Variants in SPATS2L observed in about 807,000 individuals in gnomAD.
SPATS2L encodes the protein SPATS2-like protein.
Under a neutral mutation model 59.6 loss-of-function variants are expected in SPATS2L, and 30 were observed. That is an observed-to-expected ratio of 0.50 (90% confidence interval 0.38 to 0.68). The LOEUF (loss-of-function observed/expected upper bound fraction) is 0.68. Among genes scored for constraint, SPATS2L ranks in the 30% least tolerant of loss-of-function variants. SPATS2L has a pLI of 0.00. For missense variants in SPATS2L, 615 were observed against 700.0 expected, an observed-to-expected ratio of 0.88 and a Z score of 1.37; for synonymous variants, 252 against 263.5, an observed-to-expected ratio of 0.96 and a Z score of 0.42.
intron 11 of SPATS2L, among the ~76,000 whole-genome samples, chr2:200,470,259 T>C (rs1157441938): frequency 3.3e-5 from 5 of 152,250 alleles, no homozygotes; most frequent in African/African-American, 1.2e-4. Flanking sequence ...ACAGGTCAAC[T>C]AGTTGATACC....
intron 8 of SPATS2L, among the ~76,000 whole-genome samples, chr2:200,451,327 A>T (rs1162527460): frequency 6.6e-6 from 1 of 152,076 alleles, no homozygotes; most frequent in Non-Finnish European, 1.5e-5. Flanking sequence ...ACCCTGTCTC[A>T]AAAAGAAAGT....
At chr2:200,323,502 A>G (rs2079631907) in intron 1 of SPATS2L, among the ~76,000 whole-genome samples, 2 of 152,242 alleles carry the variant, frequency 1.3e-5, no homozygotes, top group South Asian at 2.1e-4. Flanking sequence ...GTAGAAATAT[A>G]TAACTCCTGG....
At chr2:200,322,353 TAAC>T (rs1574391126) in intron 1 of SPATS2L, among the ~76,000 whole-genome samples, 1 of 152,196 alleles carries the variant, frequency 6.6e-6, no homozygotes, top group Non-Finnish European at 1.5e-5. Flanking sequence ...AATTAAGCAA[TAAC>T]AACAGCCAAA....
intron 8 of SPATS2L, among the ~76,000 whole-genome samples, chr2:200,457,248 ACACACAC>A (rs1331505067): frequency 1.3e-5 from 2 of 151,966 alleles, no homozygotes; most frequent in Non-Finnish European, 2.9e-5. Flanking sequence ...ACACACACAC[ACACACAC>A]ACACAGATGC....
rs78478595 is a variant in SPATS2L, at chr2:200,395,392, A to G, written c.39+6109A>G. Among the ~76,000 whole-genome samples, 122 of 152,316 alleles carry G rather than the reference A, an allele frequency of 8.0e-4. 1 individual carries two copies. In the East Asian group the frequency reaches 0.018, roughly 22 times the overall value. ...AATTATGCACTGATAACTAATTCCA[A>G]TGAGTGACCTCTAAGCCACTTTAGA... On this transcript the variant is annotated intron_variant, in intron 3 of 12. Transcript: ENST00000409140.
intron 2 of SPATS2L, chr2:200,378,155 C>A: frequency 2.2e-6 from 2 of 911,232 alleles, no homozygotes; most frequent in Non-Finnish European, 2.7e-6. Context: ...CCAAGGCCAC[C>A]AACCCCCTGC....
intron 2 of SPATS2L, among the ~76,000 whole-genome samples, chr2:200,329,796 A>G (rs2079876042): frequency 6.6e-6 from 1 of 151,528 alleles, no homozygotes; most frequent in South Asian, 2.1e-4. Context: ...AAAAAAAAAT[A>G]GGGCTTTTAA....
chr2:200,351,798 T>C (rs1383235003), intron 2 of SPATS2L, among the ~76,000 whole-genome samples: 1 of 152,200 alleles, frequency 6.6e-6, no homozygotes, highest in African/African-American at 2.4e-5. Context: ...CCCTGTTGGC[T>C]TCTAGAAATA....
intron 2 of SPATS2L, among the ~76,000 whole-genome samples, chr2:200,373,586 C>T (rs993578254): frequency 6.6e-6 from 1 of 152,086 alleles, no homozygotes; most frequent in Non-Finnish European, 1.5e-5. Flanking sequence ...TCTCTTTTTC[C>T]AGACTGAGTT....
At chr2:200,374,185 G>A (rs189840604) in intron 2 of SPATS2L, among the ~76,000 whole-genome samples, 42 of 152,236 alleles carry the variant, frequency 2.8e-4, no homozygotes, top group African/African-American at 9.6e-4. Flanking sequence ...GAGACAAATC[G>A]TGGCCTCCCA....
At chr2:200,347,682 A>G (rs1335132343) in intron 2 of SPATS2L, among the ~76,000 whole-genome samples, 3 of 152,152 alleles carry the variant, frequency 2.0e-5, no homozygotes, top group African/African-American at 7.2e-5. Context: ...GGGCTAGGAG[A>G]AGTGGGGGTG....
At chr2:200,374,272 C>G (rs1275545424) in intron 2 of SPATS2L, among the ~76,000 whole-genome samples, 1 of 152,170 alleles carries the variant, frequency 6.6e-6, no homozygotes, top group Non-Finnish European at 1.5e-5. Context: ...GTCACTGTTT[C>G]TGCAAGCGAA....
rs141730219 is a variant in SPATS2L, at chr2:200,452,045, G to A, written c.789-7724G>A. On this transcript the variant is annotated intron_variant, in intron 8 of 12. Transcript: ENST00000409140. ...ACTCCTGACCTGAGGTGATCTGCCT[G>A]CCTCGCCCTCCCAAAGTGCTGGGAT... 6.1e-3 allele frequency among the ~76,000 whole-genome samples: 933 copies of A among 152,246 alleles called. 7 individuals carry two copies. Among genetic ancestry groups the A allele is most frequent in the Middle Eastern group, 0.034 (10 of 294 alleles).
rs1034950822 is a variant in SPATS2L at position 200,477,421 on chromosome 2, C to G, written c.1282-215C>G. 8.0e-5 allele frequency among the ~76,000 whole-genome samples: 12 copies of G among 150,702 alleles called. No homozygotes were observed. The East Asian group carries it at 1.8e-3, about 22-fold the overall frequency. ...ACCTCTCTTTCAATATCATTTTCTT[C>G]CAGTTCCATTTACAAAACAGTCCAC... On this transcript the variant is annotated intron_variant, in intron 12 of 12. Transcript: ENST00000409140.
At chr2:200,314,574 C>T (rs538594715) in intron 1 of SPATS2L, among the ~76,000 whole-genome samples, 30 of 152,310 alleles carry the variant, frequency 2.0e-4, no homozygotes, top group African/African-American at 6.7e-4. Context: ...TGGCATGGCA[C>T]GAAAGCTTCT....
At chr2:200,414,392 T>A (rs1341283046) in intron 4 of SPATS2L, among the ~76,000 whole-genome samples, 1 of 152,100 alleles carries the variant, frequency 6.6e-6, no homozygotes, top group Non-Finnish European at 1.5e-5. Context: ...CCCAGCATAC[T>A]GGGAGGTCAA....
At chr2:200,351,848 G>A (rs1239057888) in intron 2 of SPATS2L, among the ~76,000 whole-genome samples, 2 of 152,062 alleles carry the variant, frequency 1.3e-5, no homozygotes, top group Non-Finnish European at 2.9e-5. Context: ...TCCTTGACAC[G>A]GCTCTTTAAG....
At chr2:200,393,613 T>C (rs2082239089) in intron 3 of SPATS2L, among the ~76,000 whole-genome samples, 1 of 152,250 alleles carries the variant, frequency 6.6e-6, no homozygotes. Context: ...CTCAACTCAA[T>C]GAAATAAATC....
At chr2:200,378,527 C>T (rs1230457656) in intron 2 of SPATS2L, among the ~76,000 whole-genome samples, 1 of 152,160 alleles carries the variant, frequency 6.6e-6, no homozygotes, top group Non-Finnish European at 1.5e-5. Flanking sequence ...GCGTTTAAGG[C>T]AGTACATCAT....
Sources: allele counts gnomAD v4.1 joint callset (sites outside exome capture counted in the v4.1 genomes callset), GRCh38; gene constraint gnomAD v4.1.1; transcripts MANE v1.5; gene names NCBI Gene and HGNC (gene_info 2026-07-23, HGNC 2026-07-21).